ANKLE2: variants seen among roughly 807,000 people sequenced by gnomAD.
ANKLE2 encodes ankyrin repeat and LEM domain-containing protein 2.
Under a neutral mutation model 84.2 loss-of-function variants are expected in ANKLE2, and 55 were observed. The observed-to-expected ratio is 0.65, with a 90% CI of 0.53 to 0.82. ANKLE2 has a LOEUF of 0.82. Among genes scored for constraint, ANKLE2 ranks in the 40% least tolerant of loss-of-function variants. The pLI is 0.00. For missense variants in ANKLE2, 1,238 were observed against 1,201.9 expected, an observed-to-expected ratio of 1.03 and a Z score of -0.44; for synonymous variants, 551 against 486.1, an observed-to-expected ratio of 1.13 and a Z score of -1.76.
At chr12:132,742,174 G>A in intron 6 of ANKLE2, 1 of 233,510 alleles carries the variant, frequency 4.3e-6, no homozygotes, top group South Asian at 4.2e-5. Context: ...TTCTTATGTT[G>A]AAGTACAGAT....
rs376698209 is a variant in ANKLE2 at position 132,726,845 on chromosome 12, G to A, written c.*397C>T. On this transcript the variant is annotated 3_prime_UTR_variant, in exon 13 of 13. Transcript: ENST00000357997. ...AGTGCAGGTTATCAAAGGGACATCG[G>A]TGCTCACGCCTCCGCCAAGCCCCTC... 5 of 174,780 alleles carry A rather than the reference G, an allele frequency of 2.9e-5. No homozygotes were observed. Among genetic ancestry groups the A allele is most frequent in the Admixed American group, 1.2e-4 (2 of 17,106 alleles). 10.8% of individuals were successfully genotyped at this position (174,780 alleles called of 1,614,324 possible). A position where few individuals can be genotyped will look rare whatever the true frequency, so the allele number is the denominator to read the frequency against.
At chr12:132,734,063 G>T (rs966767201) in intron 10 of ANKLE2, 5 of 469,332 alleles carry the variant, frequency 1.1e-5, no homozygotes, top group Non-Finnish European at 2.1e-5. Flanking sequence ...CGGTGAAACC[G>T]CATCTCCACT....
Position 132,727,169 on chromosome 12 carries a change from G to C in ANKLE2, c.*73C>G. 1 of 1,390,520 alleles carries C rather than the reference G, an allele frequency of 7.2e-7. No homozygotes were observed. Among genetic ancestry groups the C allele is most frequent in the Non-Finnish European group, 9.5e-7 (1 of 1,049,784 alleles). 86.1% of individuals were successfully genotyped at this position (1,390,520 alleles called of 1,614,324 possible). A position where few individuals can be genotyped will look rare whatever the true frequency, so the allele number is the denominator to read the frequency against. On this transcript the variant is annotated 3_prime_UTR_variant, in exon 13 of 13. Coordinates refer to ENST00000357997, the MANE Select transcript of ANKLE2 (RefSeq NM_015114.3). The stretch of plus-strand genomic sequence containing the variant: ...ATTTAATCAGAATATATTCCTTTTT[G>C]ACAGTTTAGCAATAAACATATGACC...
chr12:132,729,843 G>A lies in ANKLE2; in HGVS notation c.2319C>T (p.Asp773=). The A allele has an allele frequency of 2.5e-6, 4 of 1,613,548 alleles. No homozygotes were observed. Among genetic ancestry groups the A allele is most frequent in the Non-Finnish European group, 3.4e-6 (4 of 1,179,844 alleles). Residue 773 remains aspartate, a synonymous_variant, in exon 11 of 13, where the codon GAC becomes GAT. Transcript: ENST00000357997. ...LTSRINAVER[D]LLEPSPADQL... ...GGTCTGCGGGAGAAGGCTCTAACAAGTCTCTTTCTACTGCATTGATTCTTG... is the reference window on the plus strand; with the variant it reads ...GGTCTGCGGGAGAAGGCTCTAACAAATCTCTTTCTACTGCATTGATTCTTG...
At chr12:132,742,216 CACACAA>C (rs773644474) in intron 6 of ANKLE2, 8,874 of 151,722 alleles carry the variant, frequency 0.058, 286 homozygotes, top group East Asian at 0.1. Flanking sequence ...CACACACACA[CACACAA>C]AAAGAATCAC....
intron 8 of ANKLE2, 136 bp from the exon 9 acceptor site, chr12:132,735,648 C>T (rs1240850478): frequency 1.5e-6 from 1 of 689,338 alleles, no homozygotes; most frequent in African/African-American, 1.8e-5. Context: ...CTAGCAGATC[C>T]CTGGGCCACG....
chr12:132,761,668 CGGCCCAGACCTCCCGGCCGCG>C lies in ANKLE2; in HGVS notation c.110_130del (p.Pro37_Gly43del). On this transcript the variant is annotated inframe_deletion, in exon 1 of 13. Transcript: ENST00000357997. Reference sequence around the variant, plus strand: ...TGGCGGAGGAACTGGGGTCCCGCTGCGGCCCAGACCTCCCGGCCGCGGGCCCAGCCGCCGCACCAGCCACCG... The same window carrying C: ...TGGCGGAGGAACTGGGGTCCCGCTGCGGCCCAGCCGCCGCACCAGCCACCG... 1.5e-6 allele frequency: 2 copies of C among 1,309,348 alleles called. No individual in the cohort carries two copies. The highest frequency in any genetic ancestry group is 1.9e-6 in the Non-Finnish European group (2 of 1,027,366). 81.1% of individuals were successfully genotyped at this position (1,309,348 alleles called of 1,614,324 possible).
At chr12:132,750,566 T>A in intron 3 of ANKLE2, 77 bp downstream of exon 3, 1 of 1,514,890 alleles carries the variant, frequency 6.6e-7, no homozygotes. Context: ...AGTTACCACA[T>A]CAGAGGAAAG....
intron 3 of ANKLE2, among the ~76,000 whole-genome samples, chr12:132,750,391 CA>C (rs373236368): frequency 2.8e-5 from 4 of 141,576 alleles, no homozygotes; most frequent in Non-Finnish European, 4.6e-5. Flanking sequence ...TGTCTCTTTA[CA>C]AAAAAAAAAG....
chr12:132,761,790 C>G lies in ANKLE2; in HGVS notation c.9G>C (p.Trp3Cys). MLWPRLAAAEWAA... is the reference protein window; with the variant it reads MLCPRLAAAEWAA... ...CCCACTCGGCCGCCGCCAGCCGCGG[C>G]CACAGCATCGCCGCCGCCCGGGCCG... The change falls in exon 1 of 13, where the codon TGG becomes TGC. Residue 3 changes from tryptophan (W) to cysteine (C), a missense_variant. Coordinates refer to ENST00000357997, the MANE Select transcript of ANKLE2 (RefSeq NM_015114.3). The G allele has an allele frequency of 5.3e-6, 6 of 1,129,884 alleles. No individual in the cohort carries two copies. The highest frequency in any genetic ancestry group is 6.5e-6 in the Non-Finnish European group (6 of 924,976). The allele number at this position is 1,129,884 out of a possible 1,614,324, so 70.0% of individuals were successfully genotyped here.
Position 132,761,521 on chromosome 12 carries a change from C to T in ANKLE2, c.181+97G>A, listed in dbSNP as rs2044625012. On this transcript the variant is annotated intron_variant, in intron 1 of 12. Coordinates refer to ENST00000357997, the MANE Select transcript of ANKLE2 (RefSeq NM_015114.3). ...CCCGGCCGCCTCGCCCAACTGCTGC[C>T]GGCTCCAGGGGCGCGGCCGGGACCC... 32 of 1,050,916 alleles carry T rather than the reference C, an allele frequency of 3.0e-5. No homozygotes were observed. The South Asian group carries it at 1.3e-3, about 43-fold the overall frequency. 65.1% of individuals were successfully genotyped at this position (1,050,916 alleles called of 1,614,324 possible). A position where few individuals can be genotyped will look rare whatever the true frequency, so the allele number is the denominator to read the frequency against.
chr12:132,758,444 G>A (rs1350538374), intron 1 of ANKLE2: 3 of 152,102 alleles, frequency 2.0e-5, no homozygotes, highest in Admixed American at 6.6e-5. Flanking sequence ...GTATCAGTAT[G>A]ATCACAAGGT....
intron 10 of ANKLE2, chr12:132,731,262 G>A (rs2043839079): frequency 1.3e-5 from 2 of 152,222 alleles, no homozygotes; most frequent in African/African-American, 4.8e-5. Context: ...CTTTACAGAA[G>A]TGAGTTCTGT....
intron 9 of ANKLE2, 120 bp from the exon 10 acceptor site, chr12:132,734,695 T>C: frequency 9.4e-7 from 1 of 1,063,368 alleles, no homozygotes; most frequent in Non-Finnish European, 1.3e-6. Flanking sequence ...TGGTTATAAT[T>C]TTCCTTTATC....
intron 6 of ANKLE2, among the ~76,000 whole-genome samples, chr12:132,742,731 A>ACCG (rs1566024195): frequency 0.038 from 17 of 442 alleles, no homozygotes; most frequent in East Asian, 0.062. Context: ...CACCACTGCC[A>ACCG]ACACCACCAT....
At chr12:132,757,170 GATGTTTTCACAATGGT>G (rs2044505996) in intron 1 of ANKLE2, 2 of 152,194 alleles carry the variant, frequency 1.3e-5, no homozygotes, top group Non-Finnish European at 2.9e-5. Flanking sequence ...CTAGGCAGTA[GATGTTTTCACAATGGT>G]ATAGGTTAAC....
At position 132,736,959 on chromosome 12, in the gene ANKLE2, A is replaced by C; in HGVS notation, c.1527T>G (p.Tyr509Ter). The change falls in exon 8 of 13, where the codon TAT (tyrosine) becomes TAG (stop). Residue 509 changes from tyrosine (Y) to a stop codon, truncating the protein, a stop_gained. Transcript: ENST00000357997. LOFTEE classifies it high-confidence loss of function. ...GTACCGGGTCTCTGGGGCTGCCTCC[A>C]TAGCGGCTGACGTGAGAGGCCTCAG... ...QTAEASHVSR[Y>*]GGSPRDPVLT... 6.2e-7 allele frequency: 1 copy of C among 1,613,908 alleles called. No individual in the cohort carries two copies. The highest frequency in any genetic ancestry group is 8.5e-7 in the Non-Finnish European group (1 of 1,179,898).
intron 1 of ANKLE2, chr12:132,756,335 A>G (rs2044483445): frequency 6.6e-6 from 1 of 151,712 alleles, no homozygotes; most frequent in Non-Finnish European, 1.5e-5. Flanking sequence ...ACGCCACTGC[A>G]CTCCAGCCTA....
chr12:132,743,189 T>A lies in ANKLE2; in HGVS notation c.1318A>T (p.Asn440Tyr), dbSNP rs2044166103. 4 of 1,611,480 alleles carry A rather than the reference T, an allele frequency of 2.5e-6. No individual in the cohort carries two copies. Among genetic ancestry groups the A allele is most frequent in the Non-Finnish European group, 3.4e-6 (4 of 1,178,708 alleles). ...VLSSHHLIVK[N>Y]SRNKYDKTPE... ...GTTTTATCATATTTATTCCTTGAGT[T>A]TTTTACAATCAAATGGTGTGACGAA... The change falls in exon 6 of 13, where the codon AAC becomes TAC. Residue 440 changes from asparagine to tyrosine, a missense_variant. Physicochemically the swap from Asn to Tyr is moderately radical, Grantham distance 143. Around this residue, in one of 3 missense-constraint regions of ANKLE2, gnomAD observed 802 missense variants for 774.5 expected, o/e 1.04. Transcript: ENST00000357997. This position sits in a 1 kb window ranked among gnomAD's most constrained non-coding sequence, Gnocchi z 4.1.
Sources: gnomAD v4.1 joint callset for allele counts (sites outside exome capture counted in the v4.1 genomes callset) on GRCh38, gnomAD v4.1.1 for gene constraint, gnomAD v4.1.1 regional missense constraint, Gnocchi (gnomAD v3.1) non-coding constraint, MANE v1.5 for transcripts, NCBI Gene and HGNC (gene_info 2026-07-23, HGNC 2026-07-21) for gene names.